The following NPHP4 variants were observed in gnomAD, a reference collection of about 807,000 sequenced individuals.
NPHP4 encodes the protein nephrocystin 4.
A neutral mutation model predicts 155.8 loss-of-function variants in NPHP4; 151 were observed. That is an observed-to-expected ratio of 0.97 (90% CI 0.85 to 1.11). The LOEUF (loss-of-function observed/expected upper bound fraction) is 1.11, where lower values mean the gene tolerates loss of function less well. NPHP4 is among the 50% of genes least tolerant of loss of function. The pLI, the probability that NPHP4 is intolerant of heterozygous loss-of-function variation, is 0.00. For synonymous variants in NPHP4, 845 were observed against 816.8 expected, an observed-to-expected ratio of 1.03 and a Z score of -0.59; for missense variants, 1,956 against 1,925.7, an observed-to-expected ratio of 1.02 and a Z score of -0.29.
chr1:5,966,261 T>C (rs759991911), intron 5 of NPHP4, among the ~76,000 whole-genome samples: 2 of 152,170 alleles, frequency 1.3e-5, no homozygotes. Flanking sequence ...TTTTGTTTTG[T>C]TTGAGACAGG....
Position 5,910,046 on chromosome 1 carries a change from C to A in NPHP4, c.1442-833G>T, listed in dbSNP as rs896155633. Among the ~76,000 whole-genome samples, 4 of 152,234 alleles carry A rather than the reference C, an allele frequency of 2.6e-5. No homozygotes were observed. The highest frequency in any genetic ancestry group is 9.6e-5 in the African/African-American group (4 of 41,464). ...GCATCGCTGGAGTCTCTGAAACCCA[C>A]CAGGCTCCTGCCACAGCGGTGCTGG... On this transcript the variant is annotated intron_variant, in intron 11 of 29. Transcript: ENST00000378156. The surrounding 1 kb of genome is among the most constrained non-coding windows in gnomAD (Gnocchi z 5.4).
At chr1:5,903,251 T>C (rs1359823949) in intron 16 of NPHP4, among the ~76,000 whole-genome samples, 1 of 152,230 alleles carries the variant, frequency 6.6e-6, no homozygotes, top group African/African-American at 2.4e-5. Context: ...CTCTCTATCT[T>C]GAGGCTACGT....
chr1:5,922,019 G>C (rs1645764736), intron 11 of NPHP4, among the ~76,000 whole-genome samples: 6 of 152,212 alleles, frequency 3.9e-5, no homozygotes, highest in Admixed American at 3.9e-4. Flanking sequence ...CTGAGATGGG[G>C]GGATGACCCT....
intron 9 of NPHP4, among the ~76,000 whole-genome samples, chr1:5,942,133 T>C (rs1646849775): frequency 1.3e-5 from 2 of 152,152 alleles, no homozygotes; most frequent in Non-Finnish European, 1.5e-5. Context: ...ACCCAAGGAC[T>C]GCCCCTTGCT....
intron 11 of NPHP4, among the ~76,000 whole-genome samples, chr1:5,924,781 A>G (rs1361396935): frequency 6.6e-6 from 1 of 152,058 alleles, no homozygotes; most frequent in Non-Finnish European, 1.5e-5. Flanking sequence ...TGGCCTCCTG[A>G]GTAGCGGGGA....
At chr1:5,902,620 TG>T (rs981087853) in intron 16 of NPHP4, among the ~76,000 whole-genome samples, 1 of 152,198 alleles carries the variant, frequency 6.6e-6, no homozygotes, top group African/African-American at 2.4e-5. Context: ...CTACTTTTAC[TG>T]GGTTTGTTCT....
intron 16 of NPHP4, among the ~76,000 whole-genome samples, chr1:5,891,925 C>T (rs534622391): frequency 6.6e-5 from 10 of 152,178 alleles, no homozygotes; most frequent in African/African-American, 2.2e-4. Context: ...ACAATGTGTC[C>T]GGACAGGGGA....
chr1:5,975,591 T>C (rs1321233498), intron 3 of NPHP4, among the ~76,000 whole-genome samples: 1 of 152,214 alleles, frequency 6.6e-6, no homozygotes, highest in Non-Finnish European at 1.5e-5. Flanking sequence ...CGCACCCAGA[T>C]GACAGGCCAA....
intron 7 of NPHP4, 116 bp from the exon 8 acceptor site, chr1:5,948,367 G>T: frequency 4.2e-6 from 3 of 715,824 alleles, no homozygotes; most frequent in Non-Finnish European, 6.8e-6. Flanking sequence ...GCAGATAACT[G>T]CAGATCAGAT....
At chr1:5,980,333 A>G (rs1326816964) in intron 2 of NPHP4, among the ~76,000 whole-genome samples, 2 of 152,160 alleles carry the variant, frequency 1.3e-5, no homozygotes, top group Admixed American at 1.3e-4. Flanking sequence ...AATGGAAACC[A>G]GTCCCAGGTA....
intron 20 of NPHP4, 22 bp downstream of exon 20, chr1:5,877,071 T>C: frequency 4.8e-6 from 7 of 1,467,790 alleles, no homozygotes; most frequent in Non-Finnish European, 6.4e-6. Context: ...CCCAGGACAG[T>C]GACAGCTGAA....
In NPHP4 at chr1:5,887,534, T is replaced by G. The variant is rs912749976; in HGVS notation, c.2305-68A>C. On this transcript the variant is annotated intron_variant, in intron 17 of 29. Coordinates refer to ENST00000378156, the MANE Select transcript of NPHP4 (RefSeq NM_015102.5). ...GGGCTGCTTCCACCAGCCCTGCAGG[T>G]GGAGGCTGCTCCCCAGCCCAGCAGG... 2.5e-5 allele frequency: 39 copies of G among 1,533,132 alleles called. No homozygotes were observed. In the African/African-American group the frequency reaches 4.4e-4, roughly 17 times the overall value. 95.0% of individuals were successfully genotyped at this position (1,533,132 alleles called of 1,614,324 possible).
At position 5,978,336 on chromosome 1, in the gene NPHP4, AAAG is replaced by A; in HGVS notation, c.210_212del (p.Phe71del). On this transcript the variant is annotated inframe_deletion, in exon 3 of 30. Coordinates refer to ENST00000378156, the MANE Select transcript of NPHP4 (RefSeq NM_015102.5). ...TCACTGTGGTTTTCCACGTCCTCCCAAAGAAGTGCCGGTAGGTGACATCAAAGA... is the reference window on the plus strand; with the variant it reads ...TCACTGTGGTTTTCCACGTCCTCCCAAAGTGCCGGTAGGTGACATCAAAGA... 1 of 1,610,098 alleles carries A rather than the reference AAAG, an allele frequency of 6.2e-7. No homozygotes were observed. The highest frequency in any genetic ancestry group is 8.5e-7 in the Non-Finnish European group (1 of 1,178,402).
rs149562555 is a variant in NPHP4 at position 5,912,014 on chromosome 1, C to T, written c.1442-2801G>A. On this transcript the variant is annotated intron_variant, in intron 11 of 29. Coordinates refer to ENST00000378156, the MANE Select transcript of NPHP4 (RefSeq NM_015102.5). Reference sequence around the variant, plus strand: ...CAGCAACTGAACCGGGAGCAGCATGCGTGTGCACAGGACACAGGTAGGAGC... The same window carrying T: ...CAGCAACTGAACCGGGAGCAGCATGTGTGTGCACAGGACACAGGTAGGAGC... Among the ~76,000 whole-genome samples the T allele has an allele frequency of 5.2e-3, 792 of 152,290 alleles. 8 individuals are homozygous for T. The highest frequency in any genetic ancestry group is 0.018 in the African/African-American group (733 of 41,556).
chr1:5,883,316 C>A (rs936126767), intron 18 of NPHP4, among the ~76,000 whole-genome samples: 1 of 151,998 alleles, frequency 6.6e-6, no homozygotes, highest in Admixed American at 6.6e-5. Context: ...CCGATGTTCA[C>A]GCTCCGGGCC....
chr1:5,878,055 G>T (rs763001451), intron 19 of NPHP4, among the ~76,000 whole-genome samples: 4 of 152,204 alleles, frequency 2.6e-5, no homozygotes, highest in Non-Finnish European at 5.9e-5. Context: ...CCAGAAAATC[G>T]CTCAGCCCGG....
chr1:5,868,083 A>T, intron 23 of NPHP4, 187 bp from the exon 24 acceptor site: 1 of 734,986 alleles, frequency 1.4e-6, no homozygotes, highest in Non-Finnish European at 2.5e-6. Context: ...CTCCACCAGG[A>T]GGGGACCGCT....
intron 23 of NPHP4, 98 bp downstream of exon 23, chr1:5,873,154 A>G (rs1642182357): frequency 5.6e-6 from 6 of 1,071,814 alleles, no homozygotes; most frequent in Middle Eastern, 2.0e-4. Context: ...ACCTGGCCCC[A>G]GCCCTCCCCT....
At chr1:5,921,329 A>G (rs1293456070) in intron 11 of NPHP4, among the ~76,000 whole-genome samples, 1 of 152,226 alleles carries the variant, frequency 6.6e-6, no homozygotes, top group African/African-American at 2.4e-5. Context: ...CCTTATACAC[A>G]TGAACCGGTT....
Sources: gnomAD v4.1 joint callset for allele counts (sites outside exome capture counted in the v4.1 genomes callset) on GRCh38, gnomAD v4.1.1 for gene constraint, Gnocchi (gnomAD v3.1) non-coding constraint, MANE v1.5 for transcripts, NCBI Gene and HGNC (gene_info 2026-07-23, HGNC 2026-07-21) for gene names.